RTL9: variants seen among roughly 807,000 people sequenced by gnomAD.
RTL9 encodes retrotransposon Gag like 9, also known as retrotransposon Gag-like protein 9.
RTL9 carries 19 observed loss-of-function variants against 44.7 expected under a neutral mutation model. The ratio of observed to expected loss-of-function variants is 0.42; its 90% CI spans 0.30 to 0.62. The LOEUF (loss-of-function observed/expected upper bound fraction) is 0.62, where lower values mean the gene tolerates loss of function less well. Among genes scored for constraint, RTL9 ranks in the 20% least tolerant of loss-of-function variants. The pLI, the probability that RTL9 is intolerant of heterozygous loss-of-function variation, is 0.16. For synonymous variants in RTL9, 407 were observed against 398.9 expected (o/e 1.02, Z -0.24); for missense variants, 1,105 against 1,080.6 (o/e 1.02, Z -0.32).
At chrX:110,365,140 T>C (rs2068288709) in intron 1 of RTL9, among the ~76,000 whole-genome samples, 1 of 111,920 alleles carries the variant, frequency 8.9e-6, no homozygotes. Flanking sequence ...TTGTGGTCAG[T>C]TTGTGGGCCG....
intron 1 of RTL9, among the ~76,000 whole-genome samples, chrX:110,394,643 G>A (rs942804257): frequency 4.4e-5 from 5 of 112,932 alleles, no homozygotes; most frequent in African/African-American, 1.6e-4. Context: ...AGGACTTACT[G>A]TACTCAGAGA....
chrX:110,450,230 G>A (rs2068930680), upstream of RTL9, among the ~76,000 whole-genome samples: 1 of 111,290 alleles, frequency 9.0e-6, no homozygotes, highest in Admixed American at 9.6e-5. Context: ...ATAGAATACA[G>A]GCCAGGAATC....
intron 1 of RTL9, among the ~76,000 whole-genome samples, chrX:110,443,473 G>A (rs2148343539): frequency 8.9e-6 from 1 of 112,263 alleles, no homozygotes; most frequent in South Asian, 3.8e-4. Context: ...CAGAGGGTAT[G>A]GCAAGTACTG....
At chrX:110,434,915 G>A (rs749714018) in intron 1 of RTL9, among the ~76,000 whole-genome samples, 36 of 109,452 alleles carry the variant, frequency 3.3e-4, no homozygotes, top group African/African-American at 7.3e-4. Context: ...GGGGACACCA[G>A]CCCGGAGTGA....
At chrX:110,434,147 G>A (rs1181216325) in intron 1 of RTL9, among the ~76,000 whole-genome samples, 1 of 111,848 alleles carries the variant, frequency 8.9e-6, no homozygotes, top group Non-Finnish European at 1.9e-5. Flanking sequence ...CAGTATTTGT[G>A]TGACAGGGCC....
chrX:110,432,094 A>G (rs1484722537), intron 1 of RTL9, among the ~76,000 whole-genome samples: 2 of 111,657 alleles, frequency 1.8e-5, no homozygotes, highest in African/African-American at 6.5e-5. Flanking sequence ...GTTGAAGAGG[A>G]AGCTGGGGAT....
At chrX:110,362,636 C>A (rs1046686808) in intron 1 of RTL9, among the ~76,000 whole-genome samples, 1 of 111,750 alleles carries the variant, frequency 8.9e-6, no homozygotes, top group African/African-American at 3.2e-5. Flanking sequence ...TCATGTACTC[C>A]TAATGGTAAG....
At chrX:110,420,546 G>A (rs2068709594) in intron 1 of RTL9, among the ~76,000 whole-genome samples, 1 of 111,938 alleles carries the variant, frequency 8.9e-6, no homozygotes, top group South Asian at 3.8e-4. Flanking sequence ...GATCCAGAAG[G>A]TTTCATTTTG....
At chrX:110,388,505 C>A (rs931961770) in intron 1 of RTL9, among the ~76,000 whole-genome samples, 8 of 111,646 alleles carry the variant, frequency 7.2e-5, no homozygotes, top group African/African-American at 2.6e-4. Flanking sequence ...TAGGATGTAC[C>A]TTACTTTGTC....
intron 1 of RTL9, among the ~76,000 whole-genome samples, chrX:110,369,464 A>G (rs2068322455): frequency 8.9e-6 from 1 of 112,450 alleles, no homozygotes; most frequent in Admixed American, 9.4e-5. Context: ...CAAGTAGTGA[A>G]AAGTATATTC....
upstream of RTL9, among the ~76,000 whole-genome samples, chrX:110,449,401 T>C (rs780325655): frequency 8.9e-6 from 1 of 112,717 alleles, no homozygotes; most frequent in African/African-American, 3.2e-5. Context: ...GAATCACAAT[T>C]CCATGAGGTT....
In RTL9 at chrX:110,395,612, A is replaced by G. The variant is rs61356387; in HGVS notation, c.-168+36696A>G. ...AAGCCGGGACTGAAATACAGGTCTA[A>G]CTTTTGAGACAACCTTTTTTCTTTT... is the stretch of plus-strand genomic sequence containing the variant. On this transcript the variant is annotated intron_variant, in intron 1 of 2. Transcript: ENST00000520821. Among the ~76,000 whole-genome samples the G allele has an allele frequency of 4.6e-4, 52 of 112,377 alleles. 2 individuals carry two copies. In the East Asian group the frequency reaches 0.014, roughly 30 times the overall value.
chrX:110,452,806 G>T (rs970997382), exon 1 of RTL9: 2 of 1,211,917 alleles, frequency 1.7e-6, no homozygotes, highest in Non-Finnish European at 2.2e-6. Flanking sequence ...GATCCTGGAG[G>T]GATGTCCATG....
upstream of RTL9, among the ~76,000 whole-genome samples, chrX:110,449,960 G>A (rs2068929260): frequency 8.9e-6 from 1 of 112,052 alleles, no homozygotes; most frequent in Non-Finnish European, 1.9e-5. Flanking sequence ...TAGTAGTAAT[G>A]GGGTGGTGGT....
intron 1 of RTL9, among the ~76,000 whole-genome samples, chrX:110,393,651 C>T (rs761824385): frequency 1.8e-5 from 2 of 112,176 alleles, no homozygotes; most frequent in Middle Eastern, 4.6e-3. Context: ...CCTACCCTGG[C>T]CTGAGAACTG....
intron 1 of RTL9, among the ~76,000 whole-genome samples, chrX:110,442,139 G>A (rs1390263835): frequency 2.7e-5 from 3 of 110,397 alleles, no homozygotes; most frequent in African/African-American, 9.9e-5. Context: ...GAGGCAAACT[G>A]GTGAGCACGT....
intron 1 of RTL9, among the ~76,000 whole-genome samples, chrX:110,442,265 G>C (rs1166856587): frequency 7.4e-5 from 8 of 108,397 alleles, no homozygotes; most frequent in African/African-American, 2.4e-4. Flanking sequence ...GTGTGTGTGT[G>C]TGTGTGTGTG....
intron 1 of RTL9, among the ~76,000 whole-genome samples, chrX:110,424,136 T>A (rs1472765906): frequency 9.0e-6 from 1 of 111,650 alleles, no homozygotes; most frequent in Admixed American, 9.5e-5. Context: ...GGAAACATAA[T>A]GCAAGGTCAC....
chrX:110,378,925 C>T (rs961778846), intron 1 of RTL9, among the ~76,000 whole-genome samples: 4 of 110,096 alleles, frequency 3.6e-5, no homozygotes, highest in Non-Finnish European at 7.6e-5. Context: ...CACCCGTCCA[C>T]CCCCCACCCC....
Sources: gnomAD v4.1 joint callset for allele counts (sites outside exome capture counted in the v4.1 genomes callset) on GRCh38, gnomAD v4.1.1 for gene constraint, MANE v1.5 for transcripts, NCBI Gene and HGNC (gene_info 2026-07-23, HGNC 2026-07-21) for gene names.